The following PRR16 variants were observed in gnomAD, a reference collection of about 807,000 sequenced individuals.
The protein encoded by PRR16 is protein Largen.
PRR16 carries 6 observed loss-of-function variants against 18.2 expected under a neutral mutation model. That is an observed-to-expected ratio of 0.33 (90% CI 0.18 to 0.65). PRR16 has a LOEUF of 0.65. Among genes scored for constraint, PRR16 ranks in the 30% least tolerant of loss-of-function variants. PRR16 has a pLI of 0.74. For missense variants in PRR16, 412 were observed against 376.6 expected (o/e 1.09, Z -0.78); for synonymous variants, 151 against 147.8 (o/e 1.02, Z -0.16).
chr5:120,493,793 C>G (rs956663420), intron 1 of PRR16, among the ~76,000 whole-genome samples: 1 of 152,068 alleles, frequency 6.6e-6, no homozygotes, highest in African/African-American at 2.4e-5. Context: ...TATATGTAAT[C>G]TTTTGTGGTT....
intron 1 of PRR16, among the ~76,000 whole-genome samples, chr5:120,596,429 A>G (rs1561565206): frequency 6.6e-6 from 1 of 151,676 alleles, no homozygotes; most frequent in Non-Finnish European, 1.5e-5. Context: ...TTCCCTTACC[A>G]TTGAAACTTC....
chr5:120,740,509 C>T, the PRR16 span, among the ~76,000 whole-genome samples: 2 of 152,116 alleles, frequency 1.3e-5, no homozygotes, highest in African/African-American at 2.4e-5. Context: ...TGTACTGTCA[C>T]TTTTGTCATA....
At chr5:120,707,137 G>C in the PRR16 span, among the ~76,000 whole-genome samples, 1 of 152,202 alleles carries the variant, frequency 6.6e-6, no homozygotes, top group Non-Finnish European at 1.5e-5. Context: ...GAAAAGTGAT[G>C]TCAGAGGCTT....
At chr5:120,536,951 C>G (rs548408472) in intron 1 of PRR16, among the ~76,000 whole-genome samples, 1 of 152,284 alleles carries the variant, frequency 6.6e-6, no homozygotes, top group African/African-American at 2.4e-5. Flanking sequence ...AACAGAAAAC[C>G]AAATACTGCA....
At chr5:120,651,302 T>G (rs1755780209) in intron 1 of PRR16, among the ~76,000 whole-genome samples, 1 of 152,190 alleles carries the variant, frequency 6.6e-6, no homozygotes, top group Non-Finnish European at 1.5e-5. Context: ...GATGGTAGTT[T>G]CTTTTGCTGT....
At chr5:120,741,463 T>C in the PRR16 span, among the ~76,000 whole-genome samples, 1 of 152,226 alleles carries the variant, frequency 6.6e-6, no homozygotes, top group Non-Finnish European at 1.5e-5. Flanking sequence ...TTTATTTCTT[T>C]TTCAGTTATT....
chr5:120,709,490 G>T, the PRR16 span, among the ~76,000 whole-genome samples: 1 of 151,490 alleles, frequency 6.6e-6, no homozygotes, highest in East Asian at 1.9e-4. Flanking sequence ...TCTTTATGTT[G>T]TGACCATTCT....
chr5:120,737,923 A>G, the PRR16 span, among the ~76,000 whole-genome samples: 1 of 152,066 alleles, frequency 6.6e-6, no homozygotes, highest in Non-Finnish European at 1.5e-5. Context: ...TTAGTATTCT[A>G]TTACTTGTCC....
At chr5:120,695,891 A>ATAAC in the PRR16 span, among the ~76,000 whole-genome samples, 1 of 150,606 alleles carries the variant, frequency 6.6e-6, no homozygotes, top group Non-Finnish European at 1.5e-5. Flanking sequence ...GAATCTTATC[A>ATAAC]TAACTTGTAA....
At chr5:120,697,517 TAGTATGGTTATGTTC>T in the PRR16 span, among the ~76,000 whole-genome samples, 8 of 152,192 alleles carry the variant, frequency 5.3e-5, no homozygotes, top group Admixed American at 5.2e-4. Flanking sequence ...CTAATAGTTT[TAGTATGGTTATGTTC>T]AGCATTTACA....
chr5:120,624,301 A>G (rs1754789785), intron 1 of PRR16, among the ~76,000 whole-genome samples: 1 of 152,162 alleles, frequency 6.6e-6, no homozygotes, highest in South Asian at 2.1e-4. Flanking sequence ...TATAATTTAG[A>G]CCTGGCTTGT....
At chr5:120,573,524 CTT>C (rs35603340) in intron 1 of PRR16, among the ~76,000 whole-genome samples, 8,291 of 152,108 alleles carry the variant, frequency 0.055, 261 homozygotes, top group Non-Finnish European at 0.065. Context: ...GCAGCTCTCT[CTT>C]GGACTAATTT....
intron 1 of PRR16, among the ~76,000 whole-genome samples, chr5:120,528,278 A>G (rs1751433717): frequency 6.6e-6 from 1 of 152,204 alleles, no homozygotes; most frequent in African/African-American, 2.4e-5. Flanking sequence ...ATGGAGAGTC[A>G]GAGAGAGGAA....
At chr5:120,652,904 T>C (rs1052392496) in intron 1 of PRR16, among the ~76,000 whole-genome samples, 1 of 152,010 alleles carries the variant, frequency 6.6e-6, no homozygotes, top group South Asian at 2.1e-4. Flanking sequence ...GAAGGGTGTA[T>C]GTTAACTCTC....
At chr5:120,793,888 T>C in the PRR16 span, among the ~76,000 whole-genome samples, 1 of 152,256 alleles carries the variant, frequency 6.6e-6, no homozygotes, top group African/African-American at 2.4e-5. Context: ...TTGAATACTG[T>C]AAGCAGTGGT....
chr5:120,543,121 C>T (rs1185660455), intron 1 of PRR16, among the ~76,000 whole-genome samples: 1 of 152,028 alleles, frequency 6.6e-6, no homozygotes, highest in South Asian at 2.1e-4. Context: ...AATATAGTCC[C>T]CTTACCTTTC....
the PRR16 span, among the ~76,000 whole-genome samples, chr5:120,746,475 C>T: frequency 6.6e-6 from 1 of 152,088 alleles, no homozygotes; most frequent in Non-Finnish European, 1.5e-5. Context: ...ACTTCTTGAG[C>T]CAACTCGGAA....
intron 1 of PRR16, among the ~76,000 whole-genome samples, chr5:120,571,531 G>T (rs944255918): frequency 2.6e-5 from 4 of 152,088 alleles, no homozygotes; most frequent in Non-Finnish European, 5.9e-5. Flanking sequence ...GGAATCCACT[G>T]GAGGTTTTTG....
chr5:120,542,037 T>G (rs1412735077), intron 1 of PRR16, among the ~76,000 whole-genome samples: 1 of 152,078 alleles, frequency 6.6e-6, no homozygotes, highest in African/African-American at 2.4e-5. Context: ...TTTCTTTTCC[T>G]CTAGGTGTTA....
Sources: allele counts gnomAD v4.1 joint callset (sites outside exome capture counted in the v4.1 genomes callset), GRCh38; gene constraint gnomAD v4.1.1; transcripts MANE v1.5; gene names NCBI Gene and HGNC (gene_info 2026-07-23, HGNC 2026-07-21).